ANKS1B: variants seen among roughly 807,000 people sequenced by gnomAD.
ANKS1B encodes ankyrin repeat and sterile alpha motif domain-containing protein 1B.
ANKS1B carries 36 observed loss-of-function variants against 148.3 expected under a neutral mutation model. The observed-to-expected ratio is 0.24, with a 90% CI of 0.19 to 0.32. The LOEUF (loss-of-function observed/expected upper bound fraction) is 0.32, where lower values mean the gene tolerates loss of function less well. Ranked by LOEUF, ANKS1B falls within the 10% of genes least tolerant of loss-of-function variation. ANKS1B has a pLI of 1.00. For missense variants in ANKS1B, 1,157 were observed against 1,542.6 expected, an observed-to-expected ratio of 0.75 and a Z score of 4.19; for synonymous variants, 542 against 560.8, an observed-to-expected ratio of 0.97 and a Z score of 0.47.
At chr12:99,064,781 T>C (rs191313169) in intron 16 of ANKS1B, among the ~76,000 whole-genome samples, 4 of 152,310 alleles carry the variant, frequency 2.6e-5, no homozygotes, top group Admixed American at 2.0e-4. Context: ...AGTAGACATA[T>C]AACATGGTCC....
chr12:98,826,231 A>G (rs1012042895), intron 19 of ANKS1B, among the ~76,000 whole-genome samples: 3 of 152,212 alleles, frequency 2.0e-5, no homozygotes, highest in Admixed American at 6.5e-5. Context: ...TACTGCTTAT[A>G]TCAGAATAAT....
At chr12:98,967,477 A>G (rs557368452) in intron 17 of ANKS1B, among the ~76,000 whole-genome samples, 42 of 151,876 alleles carry the variant, frequency 2.8e-4, no homozygotes, top group Admixed American at 1.8e-3. Context: ...CTGGTATCTT[A>G]ATTTCTTGTG....
At chr12:99,012,535 C>A (rs546770065) in intron 17 of ANKS1B, among the ~76,000 whole-genome samples, 5 of 152,172 alleles carry the variant, frequency 3.3e-5, no homozygotes, top group Non-Finnish European at 7.3e-5. Flanking sequence ...AGACAAAATT[C>A]TATCTTTGCT....
chr12:99,708,556 C>G (rs1194743890), intron 8 of ANKS1B, among the ~76,000 whole-genome samples: 1 of 152,140 alleles, frequency 6.6e-6, no homozygotes, highest in Admixed American at 6.5e-5. Flanking sequence ...ACTCTTCCAG[C>G]TACTAGTGGC....
At chr12:98,903,945 G>C (rs1406763170) in intron 17 of ANKS1B, among the ~76,000 whole-genome samples, 1 of 152,076 alleles carries the variant, frequency 6.6e-6, no homozygotes, top group African/African-American at 2.4e-5. Context: ...GAAGGTTTCT[G>C]AAACCTTTGT....
chr12:99,711,317 C>T (rs2056604699), intron 8 of ANKS1B, among the ~76,000 whole-genome samples: 1 of 151,988 alleles, frequency 6.6e-6, no homozygotes, highest in African/African-American at 2.4e-5. Flanking sequence ...GTTCATGGTT[C>T]ATATGCAAGT....
At chr12:98,912,233 T>C (rs913752610) in intron 17 of ANKS1B, among the ~76,000 whole-genome samples, 4 of 152,198 alleles carry the variant, frequency 2.6e-5, no homozygotes, top group Non-Finnish European at 5.9e-5. Flanking sequence ...GCTGAGGTTA[T>C]GAACCATGGC....
intron 9 of ANKS1B, among the ~76,000 whole-genome samples, chr12:99,589,050 C>T (rs1025995397): frequency 6.6e-6 from 1 of 152,208 alleles, no homozygotes; most frequent in Non-Finnish European, 1.5e-5. Flanking sequence ...AGTGCTGTGT[C>T]TACCACTTTA....
At chr12:99,684,043 C>G (rs541470062) in intron 8 of ANKS1B, among the ~76,000 whole-genome samples, 1 of 151,998 alleles carries the variant, frequency 6.6e-6, no homozygotes, top group Non-Finnish European at 1.5e-5. Context: ...CCCCTGAGAC[C>G]TGGGATAACA....
chr12:99,119,285 C>T (rs997580993), intron 15 of ANKS1B, among the ~76,000 whole-genome samples: 2 of 152,052 alleles, frequency 1.3e-5, no homozygotes, highest in Admixed American at 6.5e-5. Flanking sequence ...TGCTGACAGC[C>T]GCCAGATGCT....
rs930966661 is a variant in ANKS1B at position 99,541,227 on chromosome 12, T to TA, written c.1273-36587dup. ...TAACAATCCCTCACAAATGCTTCTT[T>TA]AAAAAAAACAAACAAACAAAAAACA... On this transcript the variant is annotated intron_variant, in intron 9 of 26. Transcript: ENST00000683438. 4.0e-5 allele frequency among the ~76,000 whole-genome samples: 6 copies of TA among 151,850 alleles called. No individual in the cohort carries two copies. In the East Asian group the frequency reaches 5.8e-4, roughly 15 times the overall value.
At chr12:99,395,225 T>C (rs2094206208) in intron 12 of ANKS1B, among the ~76,000 whole-genome samples, 1 of 152,288 alleles carries the variant, frequency 6.6e-6, no homozygotes, top group Non-Finnish European at 1.5e-5. Flanking sequence ...ATGATCGACA[T>C]TATAGCCAGA....
intron 10 of ANKS1B, among the ~76,000 whole-genome samples, chr12:99,459,607 CACCA>C (rs1215346755): frequency 1.3e-5 from 2 of 151,974 alleles, no homozygotes; most frequent in African/African-American, 4.8e-5. Flanking sequence ...CCTTGCTATA[CACCA>C]ACAGTTTTCA....
At chr12:99,057,795 G>A (rs2040781950) in intron 16 of ANKS1B, among the ~76,000 whole-genome samples, 2 of 152,136 alleles carry the variant, frequency 1.3e-5, no homozygotes, top group Admixed American at 6.5e-5. Context: ...GTGTTCATAT[G>A]CTCTCTCATA....
rs746959198 is a variant in ANKS1B, at chr12:99,915,339, G to A, written c.134+68765C>T. Among the ~76,000 whole-genome samples, 4 of 151,828 alleles carry A rather than the reference G, an allele frequency of 2.6e-5. No individual in the cohort carries two copies. In the East Asian group the frequency reaches 7.7e-4, roughly 29 times the overall value. On this transcript the variant is annotated intron_variant, in intron 1 of 26. Transcript: ENST00000683438. Reference sequence around the variant, plus strand: ...AAAGTCAGCTGAGCCTATCTGACATGTGTCATTAGAACTGAGAGCACACAT... The same window carrying A: ...AAAGTCAGCTGAGCCTATCTGACATATGTCATTAGAACTGAGAGCACACAT...
At chr12:99,702,147 A>G (rs1374731916) in intron 8 of ANKS1B, among the ~76,000 whole-genome samples, 1 of 152,130 alleles carries the variant, frequency 6.6e-6, no homozygotes, top group Non-Finnish European at 1.5e-5. Context: ...ACTAATTTAC[A>G]TTCCCACCAA....
chr12:99,650,206 C>T (rs1330184976), intron 9 of ANKS1B, among the ~76,000 whole-genome samples: 2 of 113,478 alleles, frequency 1.8e-5, no homozygotes, highest in East Asian at 3.9e-4. Context: ...TTGAAGATTA[C>T]TCTCAGATAT....
intron 8 of ANKS1B, among the ~76,000 whole-genome samples, chr12:99,700,534 A>T (rs1042094536): frequency 5.9e-5 from 9 of 152,126 alleles, no homozygotes; most frequent in Non-Finnish European, 8.8e-5. Flanking sequence ...CCTTCTTTAC[A>T]ATTTCATGAA....
chr12:98,950,784 T>C (rs2099852941), intron 17 of ANKS1B, among the ~76,000 whole-genome samples: 1 of 152,096 alleles, frequency 6.6e-6, no homozygotes, highest in Non-Finnish European at 1.5e-5. Flanking sequence ...TTGTTTTTAA[T>C]AAACAGGGTG....
Sources: allele counts gnomAD v4.1 joint callset (sites outside exome capture counted in the v4.1 genomes callset), GRCh38; gene constraint gnomAD v4.1.1; transcripts MANE v1.5; gene names NCBI Gene and HGNC (gene_info 2026-07-23, HGNC 2026-07-21).